RPLP1: variants seen among roughly 807,000 people sequenced by gnomAD.
The protein encoded by RPLP1 is large ribosomal subunit protein P1.
RPLP1 carries 4 observed loss-of-function variants against 11.6 expected under a neutral mutation model. The ratio of observed to expected loss-of-function variants is 0.34; its 90% CI spans 0.17 to 0.79. The LOEUF is 0.79. Ranked by LOEUF, RPLP1 falls within the 30% of genes least tolerant of loss-of-function variation. The pLI is 0.55. For missense variants in RPLP1, 133 were observed against 142.8 expected, an observed-to-expected ratio of 0.93 and a Z score of 0.35; for synonymous variants, 54 against 52.2, an observed-to-expected ratio of 1.03 and a Z score of -0.15.
Position 69,452,921 on chromosome 15 carries a change from C to G in RPLP1, c.-28C>G. On this transcript the variant is annotated 5_prime_UTR_variant, in exon 1 of 4. Transcript: ENST00000260379. Reference sequence around the variant, plus strand: ...ATCCGGCGACTAGCACCGCGTCCGGCAGCGCCAGCCCTACACTCGCCCGCG... The same window carrying G: ...ATCCGGCGACTAGCACCGCGTCCGGGAGCGCCAGCCCTACACTCGCCCGCG... The G allele has an allele frequency of 6.4e-7, 1 of 1,560,850 alleles. No individual in the cohort carries two copies. Among genetic ancestry groups the G allele is most frequent in the African/African-American group, 1.4e-5 (1 of 73,442 alleles).
chr15:69,455,601 T>A lies in RPLP1; in HGVS notation c.*94T>A. 1 of 929,250 alleles carries A rather than the reference T, an allele frequency of 1.1e-6. No individual in the cohort carries two copies. The highest frequency in any genetic ancestry group is 1.6e-6 in the Non-Finnish European group (1 of 620,848). The allele number at this position is 929,250 out of a possible 1,614,324, so 57.6% of individuals were successfully genotyped here. A position where few individuals can be genotyped will look rare whatever the true frequency, so the allele number is the denominator to read the frequency against. On this transcript the variant is annotated 3_prime_UTR_variant, in exon 4 of 4. Transcript: ENST00000260379. ...ATGTGCTCTGCAAAAATGGTCTGTTTTGTAATGTTGGCTTTCAGCCTATTC... is the reference window on the plus strand; with the variant it reads ...ATGTGCTCTGCAAAAATGGTCTGTTATGTAATGTTGGCTTTCAGCCTATTC...
At chr15:69,453,884 G>T (rs915652940) in intron 2 of RPLP1, 163 bp downstream of exon 2, 3 of 649,004 alleles carry the variant, frequency 4.6e-6, no homozygotes, top group Non-Finnish European at 5.4e-6. Context: ...TAAGATTTCA[G>T]CTTGTCAAGT....
In RPLP1 at chr15:69,453,556, C is replaced by G. The variant is rs567155704; in HGVS notation, c.73-91C>G. ...TGATAGAATATTTGAGCTGGTTAAA[C>G]ATGTTATGTACACTTATTGAGTGAC... On this transcript the variant is annotated intron_variant, in intron 1 of 3. Coordinates refer to ENST00000260379, the MANE Select transcript of RPLP1 (RefSeq NM_001003.3). 8.8e-4 allele frequency: 1,196 copies of G among 1,365,396 alleles called. 1 individual carries two copies. The highest frequency in any genetic ancestry group is 1.1e-3 in the Non-Finnish European group (1,073 of 957,604). The allele number at this position is 1,365,396 out of a possible 1,614,324, so 84.6% of individuals were successfully genotyped here.
At chr15:69,453,816 C>T in intron 2 of RPLP1, 95 bp downstream of exon 2, 1 of 1,230,042 alleles carries the variant, frequency 8.1e-7, no homozygotes, top group Non-Finnish European at 1.2e-6. Context: ...CCATAACGCC[C>T]CACATGCCGC....
rs544246404 is a variant in RPLP1 at position 69,455,411 on chromosome 15, T to A, written c.266-17T>A. On this transcript the variant is annotated splice_polypyrimidine_tract_variant and intron_variant, in intron 3 of 3. Coordinates refer to ENST00000260379, the MANE Select transcript of RPLP1 (RefSeq NM_001003.3). The stretch of plus-strand genomic sequence containing the variant: ...AAGTATGGAAATCCTAACACCTGAT[T>A]GACTTTTTTTTTCTAGCTGAGGAGA... 8.1e-6 allele frequency: 13 copies of A among 1,601,410 alleles called. No homozygotes were observed. The highest frequency in any genetic ancestry group is 1.1e-5 in the Non-Finnish European group (13 of 1,176,320).
chr15:69,455,457 G>A lies in RPLP1; in HGVS notation c.295G>A (p.Glu99Lys). The A allele has an allele frequency of 2.5e-6, 4 of 1,611,426 alleles. No individual in the cohort carries two copies. The highest frequency in any genetic ancestry group is 3.4e-6 in the Non-Finnish European group (4 of 1,179,642). Reference sequence around the variant, plus strand: ...GGAGAAGAAAGTGGAAGCAAAGAAAGAAGAATCCGAGGAGTCTGATGATGA... The same window carrying A: ...GGAGAAGAAAGTGGAAGCAAAGAAAAAAGAATCCGAGGAGTCTGATGATGA... ...AEEKKVEAKK[E>K]ESEESDDDMG... is the part of the protein sequence containing the mutation. Residue 99 changes from glutamate (E) to lysine (K), a missense_variant, in exon 4 of 4, where the codon GAA becomes AAA. Coordinates refer to ENST00000260379, the MANE Select transcript of RPLP1 (RefSeq NM_001003.3).
intron 1 of RPLP1, 66 bp downstream of exon 1, chr15:69,453,086 T>A (rs1051277603): frequency 7.1e-7 from 1 of 1,412,624 alleles, no homozygotes; most frequent in Non-Finnish European, 9.8e-7. Context: ...CTCCATGCGG[T>A]TCCCGGCTCC....
intron 1 of RPLP1, 80 bp from the exon 2 acceptor site, chr15:69,453,567 C>T: frequency 7.0e-7 from 1 of 1,426,542 alleles, no homozygotes; most frequent in Non-Finnish European, 9.9e-7. Context: ...ATGTTATGTA[C>T]ACTTATTGAG....
intron 1 of RPLP1, 70 bp downstream of exon 1, chr15:69,453,090 C>A (rs1892375729): frequency 7.2e-7 from 1 of 1,379,742 alleles, no homozygotes; most frequent in African/African-American, 1.4e-5. Flanking sequence ...ATGCGGTTCC[C>A]GGCTCCAGGC....
Position 69,453,573 on chromosome 15 carries a change from T to C in RPLP1, c.73-74T>C, listed in dbSNP as rs147004745. 2.3e-4 allele frequency: 337 copies of C among 1,461,532 alleles called. 2 individuals are homozygous for C. The East Asian group carries it at 2.6e-3, about 11-fold the overall frequency. The allele number at this position is 1,461,532 out of a possible 1,614,324, so 90.5% of individuals were successfully genotyped here. A position where few individuals can be genotyped will look rare whatever the true frequency, so the allele number is the denominator to read the frequency against. ...TGGTTAAACATGTTATGTACACTTA[T>C]TGAGTGACGTGCAGCATTTTGGAGA... On this transcript the variant is annotated intron_variant, in intron 1 of 3. Coordinates refer to ENST00000260379, the MANE Select transcript of RPLP1 (RefSeq NM_001003.3).
Position 69,452,842 on chromosome 15 carries a change from G to A in RPLP1, c.-107G>A. On this transcript the variant is annotated 5_prime_UTR_variant, in exon 1 of 4. It adds an upstream start codon to the 5' untranslated region. Coordinates refer to ENST00000260379, the MANE Select transcript of RPLP1 (RefSeq NM_001003.3). ...GCCCCTTTCCTCAGCTGCCGCCAAG[G>A]TGCTCGGTCCTTCCGAGGAAGCTAA... 2 of 1,047,378 alleles carry A rather than the reference G, an allele frequency of 1.9e-6. No individual in the cohort carries two copies. Among genetic ancestry groups the A allele is most frequent in the Non-Finnish European group, 2.8e-6 (2 of 703,116 alleles). The allele number at this position is 1,047,378 out of a possible 1,614,324, so 64.9% of individuals were successfully genotyped here.
chr15:69,455,661 T>C lies in RPLP1; in HGVS notation c.*154T>C, dbSNP rs139070897. ...ACAGGCTGGATTTTCCCTGCCACCA[T>C]TGCCGGATGTGAGATTTAGACAATC... On this transcript the variant is annotated 3_prime_UTR_variant, in exon 4 of 4. Transcript: ENST00000260379. 1.1e-3 allele frequency: 672 copies of C among 622,392 alleles called. 3 individuals are homozygous for C. Among genetic ancestry groups the C allele is most frequent in the African/African-American group, 7.0e-3 (381 of 54,350 alleles). 38.6% of individuals were successfully genotyped at this position (622,392 alleles called of 1,614,324 possible).
chr15:69,455,205 C>A lies in RPLP1; in HGVS notation c.183C>A (p.Cys61Ter), dbSNP rs1209184702. 2 of 1,606,604 alleles carry A rather than the reference C, an allele frequency of 1.2e-6. No individual in the cohort carries two copies. The highest frequency in any genetic ancestry group is 1.9e-4 in the Middle Eastern group (1 of 5,290). Residue 61 changes from cysteine to a stop codon, truncating the protein, a stop_gained, in exon 3 of 4, where the codon TGC becomes TGA. Transcript: ENST00000260379. LOFTEE classifies it high-confidence loss of function. Reference sequence around the variant, plus strand: ...ACGTCAACATTGGGAGCCTCATCTGCAATGTAGGGGCCGGTGGACCTGCTC... The same window carrying A: ...ACGTCAACATTGGGAGCCTCATCTGAAATGTAGGGGCCGGTGGACCTGCTC... ...LANVNIGSLI[C>*]NVGAGGPAPA... is the part of the protein sequence containing the mutation.
At chr15:69,453,108 C>G in intron 1 of RPLP1, 88 bp downstream of exon 1, 2 of 1,238,354 alleles carry the variant, frequency 1.6e-6, no homozygotes, top group Non-Finnish European at 2.3e-6. Context: ...GGCCGTTCGA[C>G]TGAGCACTTC....
At chr15:69,453,773 G>A in intron 2 of RPLP1, 52 bp downstream of exon 2, 1 of 1,594,480 alleles carries the variant, frequency 6.3e-7, no homozygotes, top group Non-Finnish European at 8.6e-7. Context: ...ATTTACGAGG[G>A]CAGTTGTACA....
intron 1 of RPLP1, chr15:69,453,335 G>A (rs1180908430): frequency 1.7e-6 from 1 of 577,874 alleles, no homozygotes; most frequent in Non-Finnish European, 3.1e-6. Context: ...CTCTCTCAGG[G>A]ACACTTACTC....
chr15:69,455,349 A>G, intron 3 of RPLP1, 62 bp downstream of exon 3: 2 of 1,541,330 alleles, frequency 1.3e-6, no homozygotes, highest in Non-Finnish European at 1.7e-6. Flanking sequence ...AAATAGTATT[A>G]TAGACAAAAT....
At chr15:69,453,044 G>T in intron 1 of RPLP1, 24 bp downstream of exon 1, 1 of 1,547,228 alleles carries the variant, frequency 6.5e-7, no homozygotes, top group Non-Finnish European at 8.7e-7. Context: ...CGGGCCGGCG[G>T]CCGGGCTGCC....
Position 69,455,630 on chromosome 15 carries a change from C to T in RPLP1, c.*123C>T, listed in dbSNP as rs564613487. 1 of 715,572 alleles carries T rather than the reference C, an allele frequency of 1.4e-6. No homozygotes were observed. The highest frequency in any genetic ancestry group is 2.3e-6 in the Non-Finnish European group (1 of 440,410). The allele number at this position is 715,572 out of a possible 1,614,324, so 44.3% of individuals were successfully genotyped here. ...AATGTTGGCTTTCAGCCTATTCTGCCATGACACAGGCTGGATTTTCCCTGC... is the reference window on the plus strand; with the variant it reads ...AATGTTGGCTTTCAGCCTATTCTGCTATGACACAGGCTGGATTTTCCCTGC... On this transcript the variant is annotated 3_prime_UTR_variant, in exon 4 of 4. Coordinates refer to ENST00000260379, the MANE Select transcript of RPLP1 (RefSeq NM_001003.3).
Sources: allele counts gnomAD v4.1 joint callset, GRCh38; gene constraint gnomAD v4.1.1; transcripts MANE v1.5; gene names NCBI Gene and HGNC (gene_info 2026-07-23, HGNC 2026-07-21).